The following EPHA3 variants were observed in gnomAD, a reference collection of about 807,000 sequenced individuals.
The protein encoded by EPHA3 is EPH receptor A3, also known as ephrin type-A receptor 3.
EPHA3 carries 42 observed loss-of-function variants against 107.1 expected under a neutral mutation model. The ratio of observed to expected loss-of-function variants is 0.39; its 90% CI spans 0.31 to 0.51. The LOEUF (loss-of-function observed/expected upper bound fraction) is 0.51, where lower values mean the gene tolerates loss of function less well. Ranked by LOEUF, EPHA3 falls within the 20% of genes least tolerant of loss-of-function variation. The pLI, the probability that EPHA3 is intolerant of heterozygous loss-of-function variation, is 0.78. For missense variants in EPHA3, 1,183 were observed against 1,211.2 expected (o/e 0.98, Z 0.35); for synonymous variants, 461 against 424.8 (o/e 1.09, Z -1.05).
intron 1 of EPHA3, among the ~76,000 whole-genome samples, chr3:89,112,176 A>G (rs1707125025): frequency 6.6e-6 from 1 of 152,048 alleles, no homozygotes; most frequent in Non-Finnish European, 1.5e-5. Flanking sequence ...AGAAATTGGG[A>G]GCTATAATGA....
At chr3:89,204,052 C>G (rs1313051114) in intron 2 of EPHA3, among the ~76,000 whole-genome samples, 1 of 152,074 alleles carries the variant, frequency 6.6e-6, no homozygotes, top group Non-Finnish European at 1.5e-5. Context: ...GAGGTATGCC[C>G]AATATTGGTG....
rs113482066 is a variant in EPHA3, at chr3:89,363,280, G to A, written c.1306+21190G>A. Among the ~76,000 whole-genome samples, 673 of 150,466 alleles carry A rather than the reference G, an allele frequency of 4.5e-3. 14 individuals carry two copies. The highest frequency in any genetic ancestry group is 0.017 in the Middle Eastern group (5 of 294). On this transcript the variant is annotated intron_variant, in intron 5 of 16. Coordinates refer to ENST00000336596, the MANE Select transcript of EPHA3 (RefSeq NM_005233.6). ...CTATTGAGAGAGAGATAGCGAGGGG[G>A]CAGGAGACAGAGAGAGAGTGAGAGA...
At chr3:89,143,896 G>GTTTTTTTTTTAAATT (rs1201963229) in intron 2 of EPHA3, among the ~76,000 whole-genome samples, 1 of 151,444 alleles carries the variant, frequency 6.6e-6, no homozygotes. Flanking sequence ...TTTGTCATCA[G>GTTTTTTTTTTAAATT]TTTAACTTTT....
At chr3:89,392,958 C>A (rs1260249367) in intron 5 of EPHA3, among the ~76,000 whole-genome samples, 6 of 152,004 alleles carry the variant, frequency 3.9e-5, no homozygotes, top group Non-Finnish European at 8.8e-5. Flanking sequence ...GAATTTGTCT[C>A]TTTCTCCATT....
intron 2 of EPHA3, among the ~76,000 whole-genome samples, chr3:89,144,691 G>A (rs969797602): frequency 6.6e-6 from 1 of 151,672 alleles, no homozygotes; most frequent in African/African-American, 2.4e-5. Context: ...CTTAAATGGA[G>A]TGCTGAATAC....
chr3:89,466,676 G>T (rs1294530077), intron 15 of EPHA3, among the ~76,000 whole-genome samples: 5 of 131,102 alleles, frequency 3.8e-5, no homozygotes, highest in Non-Finnish European at 8.4e-5. Flanking sequence ...GCAATGCCTC[G>T]CCCTGCTTCG....
At chr3:89,428,366 G>T (rs976878109) in intron 11 of EPHA3, among the ~76,000 whole-genome samples, 1 of 151,944 alleles carries the variant, frequency 6.6e-6, no homozygotes, top group South Asian at 2.1e-4. Context: ...AATTACACCA[G>T]CATCATGCTC....
At chr3:89,166,505 C>T (rs1246739157) in intron 2 of EPHA3, among the ~76,000 whole-genome samples, 2 of 152,006 alleles carry the variant, frequency 1.3e-5, no homozygotes, top group Non-Finnish European at 2.9e-5. Flanking sequence ...CTCTGATAAC[C>T]ATGTTACAAG....
chr3:89,479,710 T>C lies in EPHA3; in HGVS notation c.*208T>C. The C allele has an allele frequency of 2.1e-6, 1 of 482,904 alleles. No individual in the cohort carries two copies. Among genetic ancestry groups the C allele is most frequent in the East Asian group, 3.1e-5 (1 of 31,892 alleles). The allele number at this position is 482,904 out of a possible 1,614,324, so 29.9% of individuals were successfully genotyped here. A position where few individuals can be genotyped will look rare whatever the true frequency, so the allele number is the denominator to read the frequency against. On this transcript the variant is annotated 3_prime_UTR_variant, in exon 17 of 17. Transcript: ENST00000336596. ...TGGATGGGTGGGTGGGGTATTTTTT[T>C]GTAATTGCTTTTTTAAATATTAGTT...
chr3:89,258,396 A>G (rs1705335693), intron 3 of EPHA3, among the ~76,000 whole-genome samples: 2 of 152,182 alleles, frequency 1.3e-5, no homozygotes, highest in Admixed American at 1.3e-4. Flanking sequence ...ACATTGTATC[A>G]AAGTTAATCT....
intron 9 of EPHA3, among the ~76,000 whole-genome samples, chr3:89,408,552 T>G (rs1047230177): frequency 3.3e-5 from 5 of 152,124 alleles, no homozygotes; most frequent in Non-Finnish European, 7.4e-5. Context: ...CTTATCCCAT[T>G]TTATCAACCA....
intron 2 of EPHA3, among the ~76,000 whole-genome samples, chr3:89,208,627 G>A (rs1216228916): frequency 6.8e-6 from 1 of 146,808 alleles, no homozygotes; most frequent in African/African-American, 2.5e-5. Flanking sequence ...GGAAGGAAGG[G>A]AAGATTCCAC....
intron 3 of EPHA3, among the ~76,000 whole-genome samples, chr3:89,247,042 C>T (rs1360027901): frequency 2.6e-5 from 4 of 152,238 alleles, no homozygotes; most frequent in East Asian, 1.9e-4. Flanking sequence ...TACCATTCAA[C>T]GAGTACTTCT....
intron 3 of EPHA3, among the ~76,000 whole-genome samples, chr3:89,223,378 C>G (rs1704427226): frequency 6.6e-6 from 1 of 152,152 alleles, no homozygotes; most frequent in Admixed American, 6.5e-5. Flanking sequence ...AATGCATTGG[C>G]TTGCTTTTTA....
chr3:89,180,825 G>C (rs78142747), intron 2 of EPHA3, among the ~76,000 whole-genome samples: 1 of 151,950 alleles, frequency 6.6e-6, no homozygotes, highest in Non-Finnish European at 1.5e-5. Context: ...TAAGTGAAGT[G>C]CATATGGGAC....
At chr3:89,428,830 G>T (rs1287799390) in intron 11 of EPHA3, among the ~76,000 whole-genome samples, 1 of 151,974 alleles carries the variant, frequency 6.6e-6, no homozygotes, top group Non-Finnish European at 1.5e-5. Context: ...AGAGGAAAGG[G>T]GCATATTTTT....
intron 5 of EPHA3, among the ~76,000 whole-genome samples, chr3:89,376,724 C>T (rs1414805161): frequency 6.6e-6 from 1 of 151,904 alleles, no homozygotes; most frequent in Non-Finnish European, 1.5e-5. Context: ...TGATACTAAG[C>T]CTTGAGATGC....
intron 3 of EPHA3, among the ~76,000 whole-genome samples, chr3:89,212,699 G>T (rs1316351251): frequency 2.0e-5 from 3 of 151,792 alleles, no homozygotes; most frequent in African/African-American, 7.3e-5. Context: ...TATATAGTCA[G>T]TTAATTACAT....
chr3:89,107,656 T>G lies in EPHA3; in HGVS notation c.-93T>G. The G allele has an allele frequency of 8.6e-7, 1 of 1,164,104 alleles. No individual in the cohort carries two copies. Among genetic ancestry groups the G allele is most frequent in the Non-Finnish European group, 1.3e-6 (1 of 785,366 alleles). 72.1% of individuals were successfully genotyped at this position (1,164,104 alleles called of 1,614,324 possible). On this transcript the variant is annotated 5_prime_UTR_variant, in exon 1 of 17. The change abolishes an upstream ATG in the 5' untranslated region. Transcript: ENST00000336596. Reference sequence around the variant, plus strand: ...TTGACATCAGCCTGCGAGCGGAGCATGGTAACTTCTCCAGCAATCAGAGCG... The same window carrying G: ...TTGACATCAGCCTGCGAGCGGAGCAGGGTAACTTCTCCAGCAATCAGAGCG...
Sources: gnomAD v4.1 joint callset for allele counts (sites outside exome capture counted in the v4.1 genomes callset) on GRCh38, gnomAD v4.1.1 for gene constraint, MANE v1.5 for transcripts, NCBI Gene and HGNC (gene_info 2026-07-23, HGNC 2026-07-21) for gene names.